PMFBP1: variants seen among roughly 807,000 people sequenced by gnomAD.
PMFBP1 encodes the protein polyamine-modulated factor 1-binding protein 1.
In PMFBP1, 131 loss-of-function variants were observed where a neutral mutation model predicts 137.8. The observed-to-expected ratio is 0.95, with a 90% CI of 0.82 to 1.10. The LOEUF is 1.10. PMFBP1 is among the 50% of genes least tolerant of loss of function. PMFBP1 has a pLI of 0.00. For synonymous variants in PMFBP1, 490 were observed against 450.4 expected, an observed-to-expected ratio of 1.09 and a Z score of -1.11; for missense variants, 1,199 against 1,175.4, an observed-to-expected ratio of 1.02 and a Z score of -0.29.
downstream of PMFBP1, among the ~76,000 whole-genome samples, chr16:72,116,892 C>T (rs532044677): frequency 4.4e-4 from 67 of 152,172 alleles, no homozygotes; most frequent in African/African-American, 1.5e-3. Context: ...GGCAGTACCA[C>T]ACTATTTTGA....
chr16:72,141,038 G>C (rs894034014), intron 5 of PMFBP1, among the ~76,000 whole-genome samples: 1 of 141,748 alleles, frequency 7.1e-6, no homozygotes, highest in African/African-American at 2.7e-5. Context: ...AGGTTCAAGC[G>C]ATTCTCCTGC....
Position 72,125,981 on chromosome 16 carries a change from T to C in PMFBP1, c.2240A>G (p.Gln747Arg), listed in dbSNP as rs2042449927. ...KSAACQDDLT[Q>R]ALEKLNHVTS... ...GTGTGGCCTCACCTTCTCGAGGGCT[T>C]GTGTCAGGTCATCCTGGCAGGCGGC... The change falls in exon 15 of 21, where the codon CAA becomes CGA. Residue 747 changes from glutamine (Q) to arginine (R), a missense_variant. By Grantham distance (43) the Gln-to-Arg change is conservative. Transcript: ENST00000237353. The C allele has an allele frequency of 1.2e-6, 2 of 1,614,036 alleles. No homozygotes were observed. Among genetic ancestry groups the C allele is most frequent in the East Asian group, 2.2e-5 (1 of 44,878 alleles).
chr16:72,164,457 A>G (rs2043113255), intron 3 of PMFBP1: 3 of 1,378,038 alleles, frequency 2.2e-6, no homozygotes, highest in South Asian at 2.4e-5. Flanking sequence ...CCCTTGTATC[A>G]CTATGATCTG....
intron 2 of PMFBP1, among the ~76,000 whole-genome samples, chr16:72,169,237 C>A (rs142229543): frequency 6.6e-6 from 1 of 152,164 alleles, no homozygotes; most frequent in Non-Finnish European, 1.5e-5. Flanking sequence ...AATATCACAA[C>A]CATTCAATTT....
Position 72,126,126 on chromosome 16 carries a change from G to A in PMFBP1, c.2095C>T (p.Leu699Phe), listed in dbSNP as rs1291555069. Residue 699 changes from leucine (L) to phenylalanine (F), a missense_variant, in exon 15 of 21, where the codon CTT becomes TTT. Physicochemically the swap from Leu to Phe is conservative, Grantham distance 22. Coordinates refer to ENST00000237353, the MANE Select transcript of PMFBP1 (RefSeq NM_031293.3). ...AGGCTCATTAAGGACTCCTTCTGAA[G>A]GGCTATCTTTAAGGAGGGAGAGCAG... ...VIQDLNKEIA[L>F]QKESLMSLQA... The A allele has an allele frequency of 6.2e-7, 1 of 1,613,974 alleles. No homozygotes were observed. Among genetic ancestry groups the A allele is most frequent in the Non-Finnish European group, 8.5e-7 (1 of 1,179,944 alleles).
intron 16 of PMFBP1, 62 bp from the exon 17 acceptor site, chr16:72,124,996 C>T: frequency 6.3e-7 from 1 of 1,585,184 alleles, no homozygotes; most frequent in Non-Finnish European, 8.6e-7. Flanking sequence ...GCAGGACCCA[C>T]AAGGCCAGAG....
At chr16:72,157,841 C>T (rs964104197) in intron 3 of PMFBP1, among the ~76,000 whole-genome samples, 3 of 151,908 alleles carry the variant, frequency 2.0e-5, no homozygotes, top group African/African-American at 4.8e-5. Context: ...CAATGGAGGG[C>T]GGGAGAAGTG....
the PMFBP1 span, among the ~76,000 whole-genome samples, chr16:72,196,770 C>T: frequency 2.0e-5 from 3 of 152,180 alleles, no homozygotes; most frequent in Non-Finnish European, 2.9e-5. Context: ...TGTCCAATCT[C>T]TCGTGCCATT....
chr16:72,148,141 C>A (rs1438379849), intron 5 of PMFBP1, among the ~76,000 whole-genome samples: 1 of 151,918 alleles, frequency 6.6e-6, no homozygotes, highest in Non-Finnish European at 1.5e-5. Context: ...GCAGTGTAGG[C>A]CGGATAAAGA....
chr16:72,163,053 G>A (rs779960261), intron 3 of PMFBP1, among the ~76,000 whole-genome samples: 1 of 152,214 alleles, frequency 6.6e-6, no homozygotes, highest in Non-Finnish European at 1.5e-5. Flanking sequence ...GGTAAGTCCT[G>A]GGAGAACTCT....
At chr16:72,192,754 T>C in the PMFBP1 span, among the ~76,000 whole-genome samples, 2 of 151,940 alleles carry the variant, frequency 1.3e-5, no homozygotes, top group South Asian at 2.1e-4. Context: ...TACAAAAAAT[T>C]AGCCAGGTGT....
At chr16:72,229,512 AT>A in the PMFBP1 span, among the ~76,000 whole-genome samples, 9 of 151,348 alleles carry the variant, frequency 5.9e-5, no homozygotes, top group South Asian at 2.1e-4. Flanking sequence ...CCTCACCAAT[AT>A]TTTTTTTTCT....
the PMFBP1 span, among the ~76,000 whole-genome samples, chr16:72,247,780 A>C: frequency 6.6e-6 from 1 of 152,062 alleles, no homozygotes; most frequent in African/African-American, 2.4e-5. Context: ...TTCCCTTTTT[A>C]TGTATCAGAG....
chr16:72,231,916 C>T, the PMFBP1 span, among the ~76,000 whole-genome samples: 1 of 98,086 alleles, frequency 1.0e-5, no homozygotes, highest in African/African-American at 3.4e-5. Flanking sequence ...GGAAGACACC[C>T]ATTTGTCATC....
intron 7 of PMFBP1, among the ~76,000 whole-genome samples, chr16:72,138,503 AC>A (rs2042667405): frequency 6.6e-6 from 1 of 152,044 alleles, no homozygotes; most frequent in Non-Finnish European, 1.5e-5. Context: ...TGGTTCATCA[AC>A]TTTTATTTAT....
chr16:72,224,084 A>G, the PMFBP1 span, among the ~76,000 whole-genome samples: 4 of 152,198 alleles, frequency 2.6e-5, no homozygotes, highest in Admixed American at 6.5e-5. Flanking sequence ...TGATAAAAAT[A>G]AAGCCAACCT....
chr16:72,130,756 G>C (rs1464111106), intron 10 of PMFBP1, 34 bp from the exon 11 acceptor site: 15 of 1,571,324 alleles, frequency 9.5e-6, no homozygotes, highest in African/African-American at 1.4e-5. Flanking sequence ...TGTGAGAAGG[G>C]AGGGTGTATG....
At chr16:72,166,670 G>T (rs951665325) in intron 2 of PMFBP1, among the ~76,000 whole-genome samples, 1 of 152,326 alleles carries the variant, frequency 6.6e-6, no homozygotes, top group South Asian at 2.1e-4. Flanking sequence ...AGTAATTTTA[G>T]CCTGCTCATA....
At chr16:72,173,913 T>C (rs560354823), upstream of PMFBP1, 7 of 152,394 alleles carry the variant, frequency 4.6e-5, no homozygotes, top group East Asian at 1.9e-4. Context: ...TCTTGAACCC[T>C]TGTTCTTACA....
Sources: gnomAD v4.1 joint callset for allele counts (sites outside exome capture counted in the v4.1 genomes callset) on GRCh38, gnomAD v4.1.1 for gene constraint, MANE v1.5 for transcripts, NCBI Gene and HGNC (gene_info 2026-07-23, HGNC 2026-07-21) for gene names.